Variants in TMEM62 observed in about 807,000 individuals in gnomAD.
TMEM62 encodes the protein transmembrane protein 62.
In TMEM62, 41 loss-of-function variants were observed where a neutral mutation model predicts 70.4. That is an observed-to-expected ratio of 0.58 (90% CI 0.45 to 0.76). The LOEUF is 0.76. TMEM62 is among the 30% of genes least tolerant of loss of function. The probability of loss-of-function intolerance (pLI) is 0.00; values close to 1 mark genes in which losing one functional copy is unlikely to be tolerated. For synonymous variants in TMEM62, 268 were observed against 291.0 expected (o/e 0.92, Z 0.80); for missense variants, 688 against 788.5 (o/e 0.87, Z 1.53).
At chr15:43,162,301 CTTTTTTTTT>C (rs767207961) in intron 10 of TMEM62, among the ~76,000 whole-genome samples, 6 of 135,052 alleles carry the variant, frequency 4.4e-5, no homozygotes, top group Non-Finnish European at 9.6e-5. Flanking sequence ...CCACGTCCAG[CTTTTTTTTT>C]TTTTTTTCAG....
chr15:43,134,147 T>G (rs1036174112), intron 1 of TMEM62, 110 bp from the exon 2 acceptor site: 1 of 1,443,356 alleles, frequency 6.9e-7, no homozygotes, highest in African/African-American at 1.4e-5. Context: ...GGGTTCGTTA[T>G]GCATTGCCTC....
At chr15:43,148,377 T>C (rs2036933698) in intron 5 of TMEM62, among the ~76,000 whole-genome samples, 1 of 152,190 alleles carries the variant, frequency 6.6e-6, no homozygotes. Context: ...ATCAGAGCTG[T>C]TATAAACATT....
At chr15:43,171,632 T>G (rs895334916) in intron 11 of TMEM62, among the ~76,000 whole-genome samples, 5,536 of 148,414 alleles carry the variant, frequency 0.037, 372 homozygotes, top group African/African-American at 0.13. Context: ...TTTTTTTTTT[T>G]TTTGTGTGTG....
At chr15:43,160,838 C>T in intron 10 of TMEM62, 44 bp downstream of exon 10, 2 of 1,212,798 alleles carry the variant, frequency 1.6e-6, no homozygotes, top group Non-Finnish European at 2.4e-6. Context: ...AATGCAGAGT[C>T]CTAAATAATA....
chr15:43,181,007 C>G (rs2041278687), intron 12 of TMEM62, 174 bp from the exon 13 acceptor site: 4 of 578,016 alleles, frequency 6.9e-6, no homozygotes, highest in Non-Finnish European at 1.2e-5. Flanking sequence ...AGTTGGTTAG[C>G]AAGGATATCA....
At chr15:43,156,367 A>G (rs1228300070) in intron 9 of TMEM62, among the ~76,000 whole-genome samples, 2 of 152,236 alleles carry the variant, frequency 1.3e-5, no homozygotes, top group Admixed American at 6.5e-5. Context: ...ACACTCTGCT[A>G]TGCCATCCAT....
intron 9 of TMEM62, 105 bp downstream of exon 9, chr15:43,154,936 A>G (rs550320837): frequency 7.9e-5 from 86 of 1,086,940 alleles, no homozygotes; most frequent in South Asian, 6.1e-4. Flanking sequence ...ATGTTTAAAA[A>G]AAAACTGGGG....
chr15:43,175,652 A>C (rs1302670723), intron 11 of TMEM62, among the ~76,000 whole-genome samples: 1 of 152,178 alleles, frequency 6.6e-6, no homozygotes, highest in Non-Finnish European at 1.5e-5. Context: ...CAGTTGGAGT[A>C]AGAGGTTAGC....
At chr15:43,161,780 C>G (rs971061322) in intron 10 of TMEM62, among the ~76,000 whole-genome samples, 85 of 152,018 alleles carry the variant, frequency 5.6e-4, no homozygotes, top group African/African-American at 2.0e-3. Context: ...CCTGCCTCAG[C>G]CTCCTGAGTA....
intron 13 of TMEM62, chr15:43,183,985 C>T (rs1287677160): frequency 4.4e-6 from 2 of 452,256 alleles, no homozygotes; most frequent in Non-Finnish European, 3.9e-6. Flanking sequence ...TCCAGCTTAA[C>T]ACCATTGGGT....
intron 13 of TMEM62, among the ~76,000 whole-genome samples, chr15:43,181,760 C>T (rs562941826): frequency 3.9e-5 from 6 of 152,294 alleles, no homozygotes; most frequent in East Asian, 3.9e-4. Flanking sequence ...CCTTGGCCTC[C>T]GAAAGTGCTA....
intron 11 of TMEM62, among the ~76,000 whole-genome samples, chr15:43,172,115 A>G (rs1222538569): frequency 1.3e-5 from 2 of 152,180 alleles, no homozygotes; most frequent in African/African-American, 4.8e-5. Flanking sequence ...TTGTCTTTCT[A>G]TGCAATTTAA....
chr15:43,141,860 C>T (rs1169798734), intron 4 of TMEM62, among the ~76,000 whole-genome samples: 1 of 152,138 alleles, frequency 6.6e-6, no homozygotes, highest in Non-Finnish European at 1.5e-5. Context: ...GGAGGAAGAA[C>T]TGTAAATGTG....
At chr15:43,167,256 G>T (rs1444141141) in intron 10 of TMEM62, among the ~76,000 whole-genome samples, 5 of 151,100 alleles carry the variant, frequency 3.3e-5, no homozygotes, top group African/African-American at 1.2e-4. Flanking sequence ...CTGGCCGAGC[G>T]GGGGGCTGAC....
chr15:43,135,695 C>G (rs772991332), intron 3 of TMEM62, 46 bp downstream of exon 3: 10 of 1,521,890 alleles, frequency 6.6e-6, no homozygotes, highest in Middle Eastern at 1.8e-4. Flanking sequence ...GTTTTTTTCC[C>G]CCTTCAGGAA....
intron 8 of TMEM62, among the ~76,000 whole-genome samples, chr15:43,152,610 G>A (rs777157579): frequency 6.6e-5 from 10 of 152,100 alleles, no homozygotes; most frequent in Non-Finnish European, 1.5e-4. Flanking sequence ...GGCCAGGCTG[G>A]TCTCGAACTC....
chr15:43,155,417 G>A (rs1212487288), intron 9 of TMEM62, among the ~76,000 whole-genome samples: 3 of 152,122 alleles, frequency 2.0e-5, no homozygotes, highest in Non-Finnish European at 2.9e-5. Context: ...GATCGCTTGA[G>A]CCCAGGAGTT....
chr15:43,168,576 G>T (rs1355011987), intron 10 of TMEM62, among the ~76,000 whole-genome samples: 1 of 152,078 alleles, frequency 6.6e-6, no homozygotes. Flanking sequence ...TTTTACTGTG[G>T]CTGAGCTGGT....
Position 43,154,691 on chromosome 15 carries a change from T to A in TMEM62, c.1042T>A (p.Ser348Thr), listed in dbSNP as rs753122853. 3.1e-6 allele frequency: 5 copies of A among 1,609,488 alleles called. No individual in the cohort carries two copies. The African/African-American group carries it at 6.7e-5, about 22-fold the overall frequency. The stretch of plus-strand genomic sequence containing the variant: ...TTTTAGAGTCTTGGCCTTTTCCTTA[T>A]CCTCCATTACTTCTGTCACAGTTAA... ...THIRVLAFSLSSITSVTVKID... is the reference protein window; with the variant it reads ...THIRVLAFSLTSITSVTVKID... Residue 348 changes from serine (S) to threonine (T), a missense_variant, in exon 9 of 14, where the codon TCC becomes ACC. Coordinates refer to ENST00000260403, the MANE Select transcript of TMEM62 (RefSeq NM_024956.4).
Sources: allele counts gnomAD v4.1 joint callset (sites outside exome capture counted in the v4.1 genomes callset), GRCh38; gene constraint gnomAD v4.1.1; transcripts MANE v1.5; gene names NCBI Gene and HGNC (gene_info 2026-07-23, HGNC 2026-07-21).